Variants in LIMS1 observed in about 807,000 individuals in gnomAD.
LIMS1 encodes the protein LIM zinc finger domain containing 1.
In LIMS1, 18 loss-of-function variants were observed where a neutral mutation model predicts 44.1. That is an observed-to-expected ratio of 0.41 (90% CI 0.28 to 0.61). LIMS1 has a LOEUF of 0.61. LIMS1 is among the 20% of genes least tolerant of loss of function. The pLI, the probability that LIMS1 is intolerant of heterozygous loss-of-function variation, is 0.32. For missense variants in LIMS1, 201 were observed against 422.0 expected (o/e 0.48, Z 4.59); for synonymous variants, 93 against 149.1 (o/e 0.62, Z 2.74).
intron 1 of LIMS1, among the ~76,000 whole-genome samples, chr2:108,650,532 C>T (rs1389127297): frequency 8.5e-5 from 13 of 152,120 alleles, no homozygotes; most frequent in African/African-American, 1.2e-4. Context: ...ATTCTCCTGC[C>T]TCAGCCTCCT....
chr2:108,618,826 A>C (rs1459987566), intron 1 of LIMS1, among the ~76,000 whole-genome samples: 46 of 137,486 alleles, frequency 3.3e-4, no homozygotes, highest in Non-Finnish European at 6.6e-4. Flanking sequence ...TCCGTCTCAA[A>C]AAAAAAAAAA....
At chr2:108,622,535 C>T (rs978984144) in intron 1 of LIMS1, among the ~76,000 whole-genome samples, 11 of 152,152 alleles carry the variant, frequency 7.2e-5, no homozygotes, top group African/African-American at 2.7e-4. Context: ...TTGACACTAA[C>T]ATTATTAGAA....
exon 10 of LIMS1, chr2:108,684,247 A>G (rs1172705298): frequency 2.5e-5 from 5 of 199,292 alleles, no homozygotes; most frequent in Admixed American, 6.0e-5. Flanking sequence ...CAAAAAAAAA[A>G]CACATGGTTA....
intron 2 of LIMS1, chr2:108,662,532 A>G: frequency 3.1e-6 from 4 of 1,287,232 alleles, no homozygotes; most frequent in Non-Finnish European, 4.1e-6. Flanking sequence ...CCTGAGGAAG[A>G]TTACTATTTT....
At chr2:108,621,146 A>C (rs1688211974) in intron 1 of LIMS1, 1 of 802,488 alleles carries the variant, frequency 1.2e-6, no homozygotes, top group Non-Finnish European at 1.8e-6. Flanking sequence ...TGCGAGGCCC[A>C]GAGATAAGGC....
At chr2:108,610,582 C>A (rs1687546385) in intron 1 of LIMS1, among the ~76,000 whole-genome samples, 1 of 152,132 alleles carries the variant, frequency 6.6e-6, no homozygotes, top group African/African-American at 2.4e-5. Flanking sequence ...CATGCTATTA[C>A]CATATCTAAC....
intron 1 of LIMS1, among the ~76,000 whole-genome samples, chr2:108,567,167 C>G (rs555692776): frequency 4.6e-5 from 7 of 152,272 alleles, no homozygotes; most frequent in Admixed American, 1.3e-4. Flanking sequence ...CCAGTTGGGA[C>G]CAGTGTCTGT....
chr2:108,548,385 TA>T (rs1448621225), intron 1 of LIMS1, among the ~76,000 whole-genome samples: 1 of 152,210 alleles, frequency 6.6e-6, no homozygotes, highest in Admixed American at 6.5e-5. Context: ...ATGAAGCATC[TA>T]CAGATGTCTG....
At chr2:108,553,987 A>G in intron 1 of LIMS1, among the ~76,000 whole-genome samples, 1 of 152,170 alleles carries the variant, frequency 6.6e-6, no homozygotes, top group East Asian at 1.9e-4. Context: ...TTTTTAGATA[A>G]GCAAACCAAG....
intron 1 of LIMS1, among the ~76,000 whole-genome samples, chr2:108,643,346 G>C (rs1689836414): frequency 6.6e-6 from 1 of 152,206 alleles, no homozygotes; most frequent in African/African-American, 2.4e-5. Context: ...GCCCAAGGAG[G>C]ATGAGCCGAA....
intron 1 of LIMS1, chr2:108,621,291 C>G (rs911215789): frequency 2.6e-6 from 4 of 1,541,074 alleles, no homozygotes; most frequent in Non-Finnish European, 3.5e-6. Context: ...CTGCTTTCCC[C>G]TGGCAGCCAC....
At chr2:108,588,288 A>AC in intron 1 of LIMS1, 1 of 981,068 alleles carries the variant, frequency 1.0e-6, no homozygotes, top group Admixed American at 6.1e-5. Context: ...AAAACCCTGA[A>AC]CTTGGTTTCA....
At chr2:108,590,008 T>C (rs13422997) in intron 1 of LIMS1, among the ~76,000 whole-genome samples, 3 of 152,032 alleles carry the variant, frequency 2.0e-5, no homozygotes, top group Admixed American at 6.5e-5. Context: ...AGCAGGCCAC[T>C]CTTAAAGGAA....
intron 1 of LIMS1, among the ~76,000 whole-genome samples, chr2:108,538,843 A>C (rs1684223977): frequency 6.6e-6 from 1 of 151,808 alleles, no homozygotes; most frequent in Non-Finnish European, 1.5e-5. Context: ...CCAAACTGAA[A>C]CTCTGTGACC....
intron 1 of LIMS1, among the ~76,000 whole-genome samples, chr2:108,598,521 C>T (rs1686837546): frequency 6.6e-6 from 1 of 152,074 alleles, no homozygotes; most frequent in Non-Finnish European, 1.5e-5. Flanking sequence ...ACAGCTAGTT[C>T]GATATTTTGC....
chr2:108,639,199 G>T (rs915486058), intron 1 of LIMS1, among the ~76,000 whole-genome samples: 1 of 152,150 alleles, frequency 6.6e-6, no homozygotes, highest in African/African-American at 2.4e-5. Flanking sequence ...ACAGAAGATC[G>T]ATAAGGCCTG....
At chr2:108,571,998 A>T (rs1485874862) in intron 1 of LIMS1, among the ~76,000 whole-genome samples, 3 of 152,214 alleles carry the variant, frequency 2.0e-5, no homozygotes, top group Non-Finnish European at 4.4e-5. Context: ...TCTGTTGGAA[A>T]ATATGCATTT....
At chr2:108,600,479 T>G (rs1686947002) in intron 1 of LIMS1, among the ~76,000 whole-genome samples, 1 of 152,246 alleles carries the variant, frequency 6.6e-6, no homozygotes, top group Admixed American at 6.5e-5. Flanking sequence ...AGACATTTCC[T>G]TATACTAGTT....
At chr2:108,620,491 G>A (rs973087550) in intron 1 of LIMS1, among the ~76,000 whole-genome samples, 19 of 152,050 alleles carry the variant, frequency 1.2e-4, no homozygotes, top group African/African-American at 3.6e-4. Flanking sequence ...GCTGGATGAC[G>A]AAGGACTTTC....
Sources: gnomAD v4.1 joint callset for allele counts (sites outside exome capture counted in the v4.1 genomes callset) on GRCh38, gnomAD v4.1.1 for gene constraint, MANE v1.5 for transcripts, NCBI Gene and HGNC (gene_info 2026-07-23, HGNC 2026-07-21) for gene names.